NRG3: variants seen among roughly 807,000 people sequenced by gnomAD.
The protein encoded by NRG3 is neuregulin 3, also known as pro-neuregulin-3, membrane-bound isoform.
A neutral mutation model predicts 66.9 loss-of-function variants in NRG3; 31 were observed. That is an observed-to-expected ratio of 0.46 (90% CI 0.35 to 0.63). NRG3 has a LOEUF of 0.63. Ranked by LOEUF, NRG3 falls within the 20% of genes least tolerant of loss-of-function variation. The pLI, the probability that NRG3 is intolerant of heterozygous loss-of-function variation, is 0.00. For missense variants in NRG3, 910 were observed against 878.9 expected (o/e 1.04, Z -0.45); for synonymous variants, 393 against 359.4 (o/e 1.09, Z -1.06).
chr10:82,696,980 C>A (rs2055435918), intron 2 of NRG3, among the ~76,000 whole-genome samples: 1 of 152,196 alleles, frequency 6.6e-6, no homozygotes, highest in African/African-American at 2.4e-5. Context: ...TCTGTCAGAG[C>A]ATCTTATTCT....
chr10:81,935,514 T>C lies in NRG3; in HGVS notation c.823+59351T>C, dbSNP rs565444348. Among the ~76,000 whole-genome samples, 3 of 152,276 alleles carry C rather than the reference T, an allele frequency of 2.0e-5. No homozygotes were observed. The East Asian group carries it at 5.8e-4, about 29-fold the overall frequency. ...TATACTTAGGTGGATTTAATTGCCA[T>C]ACTTTGTTATAGTGGCTAAAGTAGC... On this transcript the variant is annotated intron_variant, in intron 1 of 8. Transcript: ENST00000372141.
intron 1 of NRG3, among the ~76,000 whole-genome samples, chr10:82,311,541 C>T (rs769978164): frequency 1.3e-5 from 2 of 151,928 alleles, no homozygotes; most frequent in African/African-American, 4.8e-5. Flanking sequence ...AATAAAAAAC[C>T]GAATAGCAAC....
intron 3 of NRG3, among the ~76,000 whole-genome samples, chr10:82,753,205 A>G (rs1396461948): frequency 4.6e-5 from 7 of 152,324 alleles, no homozygotes; most frequent in East Asian, 1.9e-4. Context: ...AGTGAAGAAT[A>G]CTAACTCATT....
chr10:82,569,009 C>A (rs898821979), intron 2 of NRG3, among the ~76,000 whole-genome samples: 1 of 151,646 alleles, frequency 6.6e-6, no homozygotes, highest in African/African-American at 2.4e-5. Flanking sequence ...GTTCAAATGC[C>A]CTAAATTTCC....
chr10:82,226,222 T>C (rs1208030620), intron 1 of NRG3, among the ~76,000 whole-genome samples: 1 of 152,148 alleles, frequency 6.6e-6, no homozygotes, highest in Non-Finnish European at 1.5e-5. Context: ...CTGTGGCTCC[T>C]CTTTGAGACC....
intron 3 of NRG3, among the ~76,000 whole-genome samples, chr10:82,832,727 A>T (rs1271994192): frequency 6.6e-6 from 1 of 152,106 alleles, no homozygotes; most frequent in Non-Finnish European, 1.5e-5. Context: ...GTATTTGAGA[A>T]ATATACTTAC....
intron 1 of NRG3, among the ~76,000 whole-genome samples, chr10:82,307,854 T>A (rs969315301): frequency 2.0e-5 from 3 of 152,002 alleles, no homozygotes; most frequent in African/African-American, 7.2e-5. Context: ...GGTTTCACTA[T>A]TTTTTTCACA....
chr10:82,785,587 G>A (rs78979521), intron 3 of NRG3, among the ~76,000 whole-genome samples: 1 of 152,084 alleles, frequency 6.6e-6, no homozygotes, highest in South Asian at 2.1e-4. Flanking sequence ...AAAGAATATG[G>A]TGGAATTATG....
At chr10:82,057,128 T>C (rs2133197128) in intron 1 of NRG3, among the ~76,000 whole-genome samples, 1 of 152,254 alleles carries the variant, frequency 6.6e-6, no homozygotes, top group South Asian at 2.1e-4. Context: ...CTTTCCTATT[T>C]TCCATCACCC....
chr10:81,891,525 G>A (rs1409738993), intron 1 of NRG3, among the ~76,000 whole-genome samples: 1 of 152,192 alleles, frequency 6.6e-6, no homozygotes, highest in Non-Finnish European at 1.5e-5. Context: ...TGAACACAAG[G>A]AAGATGAGGG....
At chr10:81,878,019 C>CGGTAGG (rs1402920999) in intron 1 of NRG3, 3 of 1,537,360 alleles carry the variant, frequency 2.0e-6, no homozygotes, top group Non-Finnish European at 8.7e-7. Flanking sequence ...GGACTACACA[C>CGGTAGG]GGTAGGGGTA....
chr10:82,423,745 A>G (rs2089234438), intron 2 of NRG3, among the ~76,000 whole-genome samples: 1 of 151,964 alleles, frequency 6.6e-6, no homozygotes, highest in Non-Finnish European at 1.5e-5. Flanking sequence ...CACCGCCACT[A>G]TTTAATTTTA....
chr10:82,622,588 A>C (rs1246281261), intron 2 of NRG3, among the ~76,000 whole-genome samples: 1 of 152,156 alleles, frequency 6.6e-6, no homozygotes, highest in Non-Finnish European at 1.5e-5. Context: ...TGGAAACCAT[A>C]CTTAGAATTT....
chr10:82,543,868 G>T (rs1489320094), intron 2 of NRG3, among the ~76,000 whole-genome samples: 1 of 152,280 alleles, frequency 6.6e-6, no homozygotes, highest in South Asian at 2.1e-4. Flanking sequence ...AGGGGGATAA[G>T]CTTCAGTCAG....
chr10:82,300,147 GT>G (rs1256443604), intron 1 of NRG3, among the ~76,000 whole-genome samples: 2 of 152,176 alleles, frequency 1.3e-5, no homozygotes, highest in Non-Finnish European at 2.9e-5. Context: ...TTATGAGTTA[GT>G]ATTTGTCTTA....
chr10:82,354,014 C>CTT lies in NRG3; in HGVS notation c.824-4703_824-4702dup, dbSNP rs869307444. 6.7e-3 allele frequency among the ~76,000 whole-genome samples: 750 copies of CTT among 112,608 alleles called. 9 individuals carry two copies. The highest frequency in any genetic ancestry group is 0.02 in the African/African-American group (538 of 26,444). 73.9% of individuals were successfully genotyped at this position (112,608 alleles called of 152,430 possible). ...AATAGAGTTTTTGTTCACTATAACA[C>CTT]TTTTTTTTTTTTTTTTTTTTTTTCC... On this transcript the variant is annotated intron_variant, in intron 1 of 8. Transcript: ENST00000372141.
chr10:82,130,904 A>G (rs1030798568), intron 1 of NRG3, among the ~76,000 whole-genome samples: 13 of 152,134 alleles, frequency 8.5e-5, no homozygotes, highest in South Asian at 6.2e-4. Context: ...CTTTTTTCCT[A>G]TGGAGTTGTT....
chr10:82,545,274 CAAT>C (rs1282042438), intron 2 of NRG3, among the ~76,000 whole-genome samples: 6 of 151,688 alleles, frequency 4.0e-5, no homozygotes, highest in African/African-American at 1.5e-4. Context: ...TTATTTGAAA[CAAT>C]ATATACACAG....
At chr10:82,751,155 C>G (rs1405698950) in intron 3 of NRG3, among the ~76,000 whole-genome samples, 1 of 152,110 alleles carries the variant, frequency 6.6e-6, no homozygotes, top group Non-Finnish European at 1.5e-5. Flanking sequence ...TTTAGTCTCT[C>G]CTTATGAATA....
Sources: gnomAD v4.1 joint callset for allele counts (sites outside exome capture counted in the v4.1 genomes callset) on GRCh38, gnomAD v4.1.1 for gene constraint, MANE v1.5 for transcripts, NCBI Gene and HGNC (gene_info 2026-07-23, HGNC 2026-07-21) for gene names.